The following GAB4 variants were observed in gnomAD, a reference collection of about 807,000 sequenced individuals.
GAB4 encodes the protein GRB2-associated-binding protein 4.
A neutral mutation model predicts 51.3 loss-of-function variants in GAB4; 26 were observed. That is an observed-to-expected ratio of 0.51 (90% CI 0.37 to 0.70). The LOEUF (loss-of-function observed/expected upper bound fraction) is 0.70. Among genes scored for constraint, GAB4 ranks in the 30% least tolerant of loss-of-function variants. The pLI, the probability that GAB4 is intolerant of heterozygous loss-of-function variation, is 0.00. For missense variants in GAB4, 759 were observed against 734.6 expected (o/e 1.03, Z -0.38); for synonymous variants, 329 against 291.2 (o/e 1.13, Z -1.32).
intron 1 of GAB4, among the ~76,000 whole-genome samples, chr22:16,996,134 G>C (rs2060947510): frequency 6.6e-6 from 1 of 151,692 alleles, no homozygotes; most frequent in Non-Finnish European, 1.5e-5. Flanking sequence ...GAAGCCGAAA[G>C]AGACAGTACG....
rs186227035 is a variant in GAB4 at position 16,969,320 on chromosome 22, C to G, written c.937+623G>C. ...CTTTACTCGGATTTAAACATACATACACTATGATGATTTAGAATTCCAAAC... is the reference window on the plus strand; with the variant it reads ...CTTTACTCGGATTTAAACATACATAGACTATGATGATTTAGAATTCCAAAC... On this transcript the variant is annotated intron_variant, in intron 4 of 9. Transcript: ENST00000400588. 4.2e-3 allele frequency among the ~76,000 whole-genome samples: 637 copies of G among 152,352 alleles called. 3 individuals carry two copies. The highest frequency in any genetic ancestry group is 7.2e-3 in the Non-Finnish European group (489 of 68,032).
intron 3 of GAB4, 46 bp downstream of exon 3, chr22:16,987,914 G>A: frequency 7.0e-7 from 1 of 1,431,948 alleles, no homozygotes. Flanking sequence ...AATAGAACAA[G>A]ACCTTGTGGG....
At chr22:16,963,864 T>A (rs781448956) in intron 8 of GAB4, 35 bp from the exon 9 acceptor site, 1 of 1,541,858 alleles carries the variant, frequency 6.5e-7, no homozygotes, top group Admixed American at 1.7e-5. Flanking sequence ...TGCAAATGAG[T>A]TCAGGACACA....
chr22:16,987,613 T>C (rs1448704190), intron 3 of GAB4, among the ~76,000 whole-genome samples: 2 of 152,266 alleles, frequency 1.3e-5, no homozygotes, highest in African/African-American at 4.8e-5. Context: ...TAAGGTTTCA[T>C]AGCTGTCCTC....
intron 3 of GAB4, among the ~76,000 whole-genome samples, chr22:16,979,874 A>G (rs2060812652): frequency 6.6e-6 from 1 of 152,174 alleles, no homozygotes. Flanking sequence ...CAACCATCTG[A>G]CTTTTGACAA....
chr22:16,965,328 T>C, intron 6 of GAB4, 60 bp from the exon 7 acceptor site: 1 of 1,355,514 alleles, frequency 7.4e-7, no homozygotes. Context: ...ATGTCCACTT[T>C]GCTACAAGGC....
chr22:16,996,499 G>A (rs1211732091), intron 1 of GAB4, among the ~76,000 whole-genome samples: 6 of 152,036 alleles, frequency 3.9e-5, no homozygotes, highest in South Asian at 4.2e-4. Context: ...CCCAAGACAC[G>A]TAATTGTCAG....
intron 3 of GAB4, among the ~76,000 whole-genome samples, chr22:16,970,811 G>C (rs1350332170): frequency 6.6e-6 from 1 of 152,200 alleles, no homozygotes; most frequent in Non-Finnish European, 1.5e-5. Flanking sequence ...ACGGTGGTTA[G>C]AGAGGCAATT....
intron 2 of GAB4, among the ~76,000 whole-genome samples, chr22:16,991,140 G>A (rs567160906): frequency 6.6e-6 from 1 of 152,144 alleles, no homozygotes; most frequent in South Asian, 2.1e-4. Flanking sequence ...AAAAAAAGTG[G>A]GAAAGAGTGG....
At chr22:16,999,369 G>A (rs1303443307) in intron 1 of GAB4, among the ~76,000 whole-genome samples, 1 of 152,164 alleles carries the variant, frequency 6.6e-6, no homozygotes, top group Non-Finnish European at 1.5e-5. Flanking sequence ...TTAGTCTTGG[G>A]AGGGTGCATG....
chr22:16,966,323 A>G lies in GAB4; in HGVS notation c.1065T>C (p.Ser355=), dbSNP rs750125391. Residue 355 remains serine (S), a synonymous_variant, in exon 6 of 10, where the codon TCT becomes TCC. Coordinates refer to ENST00000400588, the MANE Select transcript of GAB4 (RefSeq NM_001037814.1). ...GGTTCATGGGCACACAGCTGCCCTCAGAAGCAATGCTGTCTGACAGGCCCA... is the reference window on the plus strand; with the variant it reads ...GGTTCATGGGCACACAGCTGCCCTCGGAAGCAATGCTGTCTGACAGGCCCA... ...TLVGLSDSIA[S]EGSCVPMNPG... 93 of 1,613,550 alleles carry G rather than the reference A, an allele frequency of 5.8e-5. No individual in the cohort carries two copies. Among genetic ancestry groups the G allele is most frequent in the Non-Finnish European group, 7.5e-5 (88 of 1,179,934 alleles).
rs186107765 is a variant in GAB4, at chr22:16,995,952, A to G, written c.175-3776T>C. Among the ~76,000 whole-genome samples the G allele has an allele frequency of 2.1e-3, 315 of 152,216 alleles. 1 individual carries two copies. Among genetic ancestry groups the G allele is most frequent in the African/African-American group, 6.9e-3 (287 of 41,538 alleles). The stretch of plus-strand genomic sequence containing the variant: ...GCAAGAGAACAAAATTGGATGGAGA[A>G]TGAGTTTGACAAACTGACAGAAGTA... On this transcript the variant is annotated intron_variant, in intron 1 of 9. Coordinates refer to ENST00000400588, the MANE Select transcript of GAB4 (RefSeq NM_001037814.1).
At chr22:16,975,836 C>G (rs2060772981) in intron 3 of GAB4, among the ~76,000 whole-genome samples, 1 of 152,192 alleles carries the variant, frequency 6.6e-6, no homozygotes, top group South Asian at 2.1e-4. Context: ...CTTTGCTGTT[C>G]TGTAGTCTCC....
At chr22:16,972,565 G>C (rs2060741036) in intron 3 of GAB4, among the ~76,000 whole-genome samples, 1 of 152,142 alleles carries the variant, frequency 6.6e-6, no homozygotes, top group South Asian at 2.1e-4. Flanking sequence ...CAGGTGTCCT[G>C]CGGTAATCTC....
At chr22:16,965,808 G>C (rs1208523268) in intron 6 of GAB4, among the ~76,000 whole-genome samples, 2 of 152,192 alleles carry the variant, frequency 1.3e-5, no homozygotes, top group African/African-American at 2.4e-5. Context: ...GTGAGGTCAT[G>C]GCAGCCTGGA....
rs761849582 is a variant in GAB4 at position 16,962,681 on chromosome 22, G to A, written c.*52C>T. ...ATATTACAGAGCTTTAGAGTGTGGC[G>A]GAGCAGCTCTGAGGCACTGTCCTGG... On this transcript the variant is annotated 3_prime_UTR_variant, in exon 10 of 10. Transcript: ENST00000400588. 44 of 1,538,108 alleles carry A rather than the reference G, an allele frequency of 2.9e-5. No individual in the cohort carries two copies. The highest frequency in any genetic ancestry group is 4.5e-5 in the East Asian group (2 of 44,272).
rs1430480880 is a variant in GAB4 at position 16,966,197 on chromosome 22, G to T, written c.1191C>A (p.Gly397=). 1.2e-6 allele frequency: 2 copies of T among 1,613,970 alleles called. No individual in the cohort carries two copies. The highest frequency in any genetic ancestry group is 1.7e-6 in the Non-Finnish European group (2 of 1,180,006). Residue 397 remains glycine (G), a synonymous_variant, in exon 6 of 10, where the codon GGC becomes GGA. Coordinates refer to ENST00000400588, the MANE Select transcript of GAB4 (RefSeq NM_001037814.1). The part of the protein sequence containing the change: ...GSCLVRFDLL[G]SPLTELSMHQ... ...GCATAGAAAGCTCTGTGAGTGGGGA[G>T]CCAAGCAGGTCAAAGCGAACAAGAC...
At chr22:16,979,086 G>A (rs1025483166) in intron 3 of GAB4, among the ~76,000 whole-genome samples, 1 of 152,120 alleles carries the variant, frequency 6.6e-6, no homozygotes, top group Non-Finnish European at 1.5e-5. Context: ...TACTGAATGG[G>A]CAAAAGCTGG....
At chr22:16,982,105 T>C (rs1427646224) in intron 3 of GAB4, among the ~76,000 whole-genome samples, 1 of 152,150 alleles carries the variant, frequency 6.6e-6, no homozygotes, top group Non-Finnish European at 1.5e-5. Flanking sequence ...GCTAGCATCA[T>C]ACTGAACAGG....
Sources: allele counts gnomAD v4.1 joint callset (sites outside exome capture counted in the v4.1 genomes callset), GRCh38; gene constraint gnomAD v4.1.1; transcripts MANE v1.5; gene names NCBI Gene and HGNC (gene_info 2026-07-23, HGNC 2026-07-21).